RBFOX1: variants seen among roughly 807,000 people sequenced by gnomAD.
The protein encoded by RBFOX1 is RNA binding protein fox-1 homolog 1.
RBFOX1 carries 8 observed loss-of-function variants against 57.7 expected under a neutral mutation model. That is an observed-to-expected ratio of 0.14 (90% confidence interval 0.08 to 0.25). RBFOX1 has a LOEUF of 0.25. Among genes scored for constraint, RBFOX1 ranks in the 10% least tolerant of loss-of-function variants. The pLI, the probability that RBFOX1 is intolerant of heterozygous loss-of-function variation, is 1.00. For missense variants in RBFOX1, 611 were observed against 548.5 expected (o/e 1.11, Z -1.14); for synonymous variants, 326 against 222.4 (o/e 1.47, Z -4.15).
At position 6,762,730 on chromosome 16, in the gene RBFOX1, G is replaced by A. The variant is rs565536079; in HGVS notation, c.-16+108080G>A. ...AAGAATAGGTTGAGTTCTAGAGATA[G>A]AAAAATAGTAAGGTAAAGAGCCTTA... On this transcript the variant is annotated intron_variant, in intron 3 of 15. Coordinates refer to ENST00000550418, the MANE Select transcript of RBFOX1 (RefSeq NM_018723.4). 2.6e-5 allele frequency among the ~76,000 whole-genome samples: 4 copies of A among 152,226 alleles called. No individual in the cohort carries two copies. The South Asian group carries it at 8.3e-4, about 32-fold the overall frequency.
chr16:7,580,664 C>G (rs1305120915), intron 6 of RBFOX1, among the ~76,000 whole-genome samples: 2 of 152,154 alleles, frequency 1.3e-5, no homozygotes, highest in Non-Finnish European at 2.9e-5. Context: ...TATAGGTCAT[C>G]TTGCCCCTGA....
At chr16:6,636,332 G>T (rs538681056) in intron 2 of RBFOX1, among the ~76,000 whole-genome samples, 3 of 151,958 alleles carry the variant, frequency 2.0e-5, no homozygotes, top group African/African-American at 4.8e-5. Context: ...CACCACACAC[G>T]GCTAATTTTT....
At chr16:7,077,856 G>A (rs539106123) in intron 4 of RBFOX1, among the ~76,000 whole-genome samples, 75 of 152,228 alleles carry the variant, frequency 4.9e-4, no homozygotes, top group African/African-American at 1.7e-3. Flanking sequence ...ATTTCTCCCA[G>A]TCCATTAGCT....
chr16:5,837,832 A>G (rs1398130559), intron 3 of RBFOX1, among the ~76,000 whole-genome samples: 1 of 152,018 alleles, frequency 6.6e-6, no homozygotes, highest in Non-Finnish European at 1.5e-5. Flanking sequence ...CTTAGTATTG[A>G]CCATGCTTGG....
intron 3 of RBFOX1, among the ~76,000 whole-genome samples, chr16:6,674,171 T>C (rs2098785854): frequency 6.6e-6 from 1 of 152,158 alleles, no homozygotes; most frequent in African/African-American, 2.4e-5. Context: ...CCAGAAAAGA[T>C]ATGTTGAAGT....
Position 6,814,133 on chromosome 16 carries a change from A to G in RBFOX1, c.-16+159483A>G, listed in dbSNP as rs536755993. On this transcript the variant is annotated intron_variant, in intron 3 of 15. Coordinates refer to ENST00000550418, the MANE Select transcript of RBFOX1 (RefSeq NM_018723.4). The stretch of plus-strand genomic sequence containing the variant: ...AGCCCACATAGGGAGCTTATTTAAA[A>G]CTCCTAGAACAACAACACACCAAAC... Among the ~76,000 whole-genome samples, 9 of 152,152 alleles carry G rather than the reference A, an allele frequency of 5.9e-5. No individual in the cohort carries two copies. The South Asian group carries it at 6.2e-4, about 11-fold the overall frequency.
intron 3 of RBFOX1, among the ~76,000 whole-genome samples, chr16:5,846,177 G>T (rs2151855741): frequency 6.9e-6 from 1 of 145,470 alleles, no homozygotes; most frequent in East Asian, 2.0e-4. Flanking sequence ...GTGAGGCACT[G>T]TCTTAAAAAA....
chr16:6,410,166 G>A (rs1437214002), intron 2 of RBFOX1, among the ~76,000 whole-genome samples: 1 of 88,902 alleles, frequency 1.1e-5, no homozygotes, highest in Admixed American at 1.3e-4. Flanking sequence ...AGCATCATAA[G>A]GCTGTGTGTG....
At chr16:7,506,931 C>A (rs1386152966) in intron 4 of RBFOX1, among the ~76,000 whole-genome samples, 2 of 152,106 alleles carry the variant, frequency 1.3e-5, no homozygotes, top group African/African-American at 4.8e-5. Flanking sequence ...AGTTTTATCC[C>A]CACAGTGGGA....
chr16:6,944,284 A>G (rs2079068425), intron 3 of RBFOX1, among the ~76,000 whole-genome samples: 1 of 151,742 alleles, frequency 6.6e-6, no homozygotes, highest in Non-Finnish European at 1.5e-5. Context: ...AATCCCAGCT[A>G]GTCAGGAGGC....
chr16:6,197,639 T>C (rs1371134092), intron 1 of RBFOX1, among the ~76,000 whole-genome samples: 4 of 152,008 alleles, frequency 2.6e-5, no homozygotes, highest in Admixed American at 2.6e-4. Flanking sequence ...GTTTCTTTTT[T>C]TTTTTTTAAT....
intron 3 of RBFOX1, among the ~76,000 whole-genome samples, chr16:6,866,947 A>G (rs528190272): frequency 1.5e-4 from 23 of 152,124 alleles, no homozygotes; most frequent in Non-Finnish European, 1.9e-4. Context: ...CTTCATGACA[A>G]TATCTAAAGG....
In RBFOX1 at chr16:7,514,939, C is replaced by G. The variant is rs539392112; in HGVS notation, c.28-3208C>G. ...TTCTGCTGGAGGTGGAGGAGGGAAA[C>G]CTTTGTCTTCATATGATCATTGTCT... On this transcript the variant is annotated intron_variant, in intron 4 of 15. Coordinates refer to ENST00000550418, the MANE Select transcript of RBFOX1 (RefSeq NM_018723.4). Among the ~76,000 whole-genome samples the G allele has an allele frequency of 2.6e-5, 4 of 152,286 alleles. No individual in the cohort carries two copies. The South Asian group carries it at 6.2e-4, about 24-fold the overall frequency.
intron 2 of RBFOX1, among the ~76,000 whole-genome samples, chr16:6,326,861 C>T (rs1409227677): frequency 2.0e-5 from 3 of 152,170 alleles, no homozygotes; most frequent in Non-Finnish European, 2.9e-5. Context: ...TCACACACTA[C>T]AGCCGGTGCA....
chr16:5,483,473 C>T (rs1372927770), intron 2 of RBFOX1, among the ~76,000 whole-genome samples: 2 of 152,184 alleles, frequency 1.3e-5, no homozygotes, highest in African/African-American at 2.4e-5. Flanking sequence ...TCTAAAGCTC[C>T]TTCCGGATCT....
chr16:6,379,872 A>T (rs142848141), intron 2 of RBFOX1, among the ~76,000 whole-genome samples: 222 of 152,264 alleles, frequency 1.5e-3, no homozygotes, highest in African/African-American at 5.1e-3. Context: ...GAGAAGGTTC[A>T]TGGGATGGGA....
intron 3 of RBFOX1, among the ~76,000 whole-genome samples, chr16:6,683,389 G>C (rs1307495078): frequency 6.6e-6 from 1 of 152,098 alleles, no homozygotes; most frequent in African/African-American, 2.4e-5. Context: ...TTATGTAGGA[G>C]ACTGTCTTTA....
At chr16:6,146,036 A>G (rs1265959509) in intron 1 of RBFOX1, among the ~76,000 whole-genome samples, 6 of 152,210 alleles carry the variant, frequency 3.9e-5, no homozygotes, top group Non-Finnish European at 8.8e-5. Context: ...CTAAGGCCAG[A>G]GACAGCGTCC....
intron 4 of RBFOX1, among the ~76,000 whole-genome samples, chr16:7,158,710 A>G (rs374237211): frequency 2.2e-5 from 3 of 139,494 alleles, no homozygotes; most frequent in South Asian, 5.0e-4. Context: ...TGTGGTGCAT[A>G]TGTGTGCATG....
Sources: gnomAD v4.1 joint callset for allele counts (sites outside exome capture counted in the v4.1 genomes callset) on GRCh38, gnomAD v4.1.1 for gene constraint, MANE v1.5 for transcripts, NCBI Gene and HGNC (gene_info 2026-07-23, HGNC 2026-07-21) for gene names.